Variants in NSMCE2 observed in about 807,000 individuals in gnomAD.
NSMCE2 encodes E3 SUMO-protein ligase NSE2.
A neutral mutation model predicts 23.8 loss-of-function variants in NSMCE2; 24 were observed. The ratio of observed to expected loss-of-function variants is 1.01; its 90% confidence interval spans 0.73 to 1.42. NSMCE2 has a LOEUF of 1.42. Ranked by LOEUF, NSMCE2 falls within the 40% of genes most tolerant of loss-of-function variation. The probability of loss-of-function intolerance (pLI) is 0.00; values close to 1 mark genes in which losing one functional copy is unlikely to be tolerated. For missense variants in NSMCE2, 284 were observed against 296.5 expected (o/e 0.96, Z 0.31); for synonymous variants, 92 against 94.1 (o/e 0.98, Z 0.13).
chr8:125,123,298 T>G (rs2130511879), intron 3 of NSMCE2, among the ~76,000 whole-genome samples: 1 of 152,352 alleles, frequency 6.6e-6, no homozygotes. Context: ...GTTTCCTCCT[T>G]TCCAAAAGCC....
chr8:125,096,461 TTA>T (rs1428757932), intron 1 of NSMCE2, among the ~76,000 whole-genome samples: 2 of 152,056 alleles, frequency 1.3e-5, no homozygotes, highest in African/African-American at 4.8e-5. Flanking sequence ...GTGTAACCCA[TTA>T]TCTCATATAT....
chr8:125,164,218 AC>A (rs1356376112), intron 4 of NSMCE2, among the ~76,000 whole-genome samples: 6 of 152,176 alleles, frequency 3.9e-5, no homozygotes, highest in Admixed American at 3.9e-4. Context: ...CAGTGACCTT[AC>A]AAAGTTAGGA....
Position 125,306,023 on chromosome 8 carries a change from T to C in NSMCE2, c.419-51196T>C, listed in dbSNP as rs756694647. ...GCCAGGCAATTAGGATTACAGGTCA[T>C]AGTATTGAATAAGTTTATACTTGGC... is the stretch of plus-strand genomic sequence containing the variant. On this transcript the variant is annotated intron_variant, in intron 5 of 7. Transcript: ENST00000287437. Among the ~76,000 whole-genome samples the C allele has an allele frequency of 4.6e-4, 70 of 152,180 alleles. 1 individual carries two copies. Among genetic ancestry groups the C allele is most frequent in the Admixed American group, 1.5e-3 (23 of 15,274 alleles).
chr8:125,327,407 G>A (rs533737146), intron 5 of NSMCE2, among the ~76,000 whole-genome samples: 6 of 152,190 alleles, frequency 3.9e-5, no homozygotes, highest in African/African-American at 9.6e-5. Context: ...CATCTGAGTA[G>A]CTGCTGTCTT....
intron 5 of NSMCE2, among the ~76,000 whole-genome samples, chr8:125,303,250 A>C (rs1828632199): frequency 6.6e-6 from 1 of 152,146 alleles, no homozygotes; most frequent in Non-Finnish European, 1.5e-5. Flanking sequence ...CAGACTCCTT[A>C]GTCTGCAAGA....
Position 125,100,458 on chromosome 8 carries a change from C to T in NSMCE2, c.-110-1593C>T, listed in dbSNP as rs1818137040. On this transcript the variant is annotated intron_variant, in intron 1 of 7. Transcript: ENST00000287437. ...AAGTTGAGCATTTTCTTATCTGTGCCTCAGCTTTGCAGTAACTCCCATGTT... is the reference window on the plus strand; with the variant it reads ...AAGTTGAGCATTTTCTTATCTGTGCTTCAGCTTTGCAGTAACTCCCATGTT... 2.0e-5 allele frequency among the ~76,000 whole-genome samples: 3 copies of T among 152,128 alleles called. No individual in the cohort carries two copies. In the South Asian group the frequency reaches 6.2e-4, roughly 31 times the overall value.
At chr8:125,254,214 G>A (rs1046850176) in intron 5 of NSMCE2, among the ~76,000 whole-genome samples, 5 of 152,010 alleles carry the variant, frequency 3.3e-5, no homozygotes, top group Admixed American at 6.6e-5. Flanking sequence ...TGTTTCAGTC[G>A]TGTTTGAAGA....
chr8:125,262,516 A>G (rs1010441568), intron 5 of NSMCE2, among the ~76,000 whole-genome samples: 5 of 152,204 alleles, frequency 3.3e-5, no homozygotes, highest in African/African-American at 4.8e-5. Context: ...TCCATTTATT[A>G]GTATTCATCC....
intron 3 of NSMCE2, among the ~76,000 whole-genome samples, chr8:125,148,987 C>T (rs1380515087): frequency 6.6e-6 from 1 of 152,086 alleles, no homozygotes; most frequent in East Asian, 1.9e-4. Context: ...TATATAGCAA[C>T]ATATATATGT....
At chr8:125,130,356 T>TA (rs1355074891) in intron 3 of NSMCE2, 2 of 445,888 alleles carry the variant, frequency 4.5e-6, no homozygotes, top group African/African-American at 4.0e-5. Context: ...ACTGGAAAGG[T>TA]ACTTTTTTCT....
intron 5 of NSMCE2, among the ~76,000 whole-genome samples, chr8:125,250,638 C>T (rs1045009302): frequency 6.6e-6 from 1 of 152,050 alleles, no homozygotes; most frequent in Non-Finnish European, 1.5e-5. Context: ...GACATTTCTT[C>T]GGATTTGTTT....
At chr8:125,223,449 G>A (rs1318537781) in intron 5 of NSMCE2, among the ~76,000 whole-genome samples, 5 of 152,204 alleles carry the variant, frequency 3.3e-5, no homozygotes, top group African/African-American at 1.2e-4. Context: ...GAACGTGGGA[G>A]TGCAGAAATC....
At chr8:125,124,768 G>A (rs1051282399) in intron 3 of NSMCE2, among the ~76,000 whole-genome samples, 1 of 151,990 alleles carries the variant, frequency 6.6e-6, no homozygotes, top group Admixed American at 6.6e-5. Context: ...ATGAGCCACT[G>A]CACCCAGCCT....
chr8:125,184,753 T>C (rs1343414876), intron 5 of NSMCE2, among the ~76,000 whole-genome samples: 3 of 152,148 alleles, frequency 2.0e-5, no homozygotes, highest in Admixed American at 1.3e-4. Flanking sequence ...TTTCTTTCTT[T>C]AGATTTAACA....
chr8:125,226,397 A>G (rs1458911819), intron 5 of NSMCE2, among the ~76,000 whole-genome samples: 5 of 152,226 alleles, frequency 3.3e-5, no homozygotes, highest in African/African-American at 1.2e-4. Flanking sequence ...AAGACAGTGC[A>G]TCCTTTGTAA....
intron 5 of NSMCE2, among the ~76,000 whole-genome samples, chr8:125,238,544 T>C (rs933975049): frequency 6.6e-6 from 1 of 152,208 alleles, no homozygotes; most frequent in Admixed American, 6.5e-5. Context: ...ATAAGTGCAC[T>C]GTTAGCTGGG....
At chr8:125,169,824 A>G (rs1016259781) in intron 4 of NSMCE2, among the ~76,000 whole-genome samples, 21 of 151,254 alleles carry the variant, frequency 1.4e-4, no homozygotes, top group Non-Finnish European at 8.8e-5. Context: ...CATGGTGTAC[A>G]CCCCTCCTTA....
In NSMCE2 at chr8:125,092,698, CAT is replaced by C. The variant is rs1403841360; in HGVS notation, c.-111+743_-111+744del. Among the ~76,000 whole-genome samples the C allele has an allele frequency of 2.0e-5, 3 of 152,312 alleles. No homozygotes were observed. In the East Asian group the frequency reaches 5.8e-4, roughly 29 times the overall value. The stretch of plus-strand genomic sequence containing the variant: ...CTCCCATGGATTTAAAGGAAGTCAA[CAT>C]ATTGTCTATAAATAACATGCAGAGA... On this transcript the variant is annotated intron_variant, in intron 1 of 7. Coordinates refer to ENST00000287437, the MANE Select transcript of NSMCE2 (RefSeq NM_173685.4).
At chr8:125,210,540 A>C (rs1824285138) in intron 5 of NSMCE2, among the ~76,000 whole-genome samples, 1 of 152,152 alleles carries the variant, frequency 6.6e-6, no homozygotes. Flanking sequence ...GAACTGTAGA[A>C]AGGGAAGTAG....
Sources: allele counts gnomAD v4.1 joint callset (sites outside exome capture counted in the v4.1 genomes callset), GRCh38; gene constraint gnomAD v4.1.1; transcripts MANE v1.5; gene names NCBI Gene and HGNC (gene_info 2026-07-23, HGNC 2026-07-21).